ANKS1B: variants seen among roughly 807,000 people sequenced by gnomAD.
ANKS1B encodes the protein ankyrin repeat and sterile alpha motif domain containing 1B.
Under a neutral mutation model 148.3 loss-of-function variants are expected in ANKS1B, and 36 were observed. The ratio of observed to expected loss-of-function variants is 0.24; its 90% CI spans 0.19 to 0.32. The LOEUF (loss-of-function observed/expected upper bound fraction) is 0.32, where lower values mean the gene tolerates loss of function less well. ANKS1B is among the 10% of genes least tolerant of loss of function. The pLI is 1.00. For synonymous variants in ANKS1B, 542 were observed against 560.8 expected (o/e 0.97, Z 0.47); for missense variants, 1,157 against 1,542.6 (o/e 0.75, Z 4.19).
chr12:99,717,400 A>C (rs1314319286), intron 8 of ANKS1B, among the ~76,000 whole-genome samples: 1 of 152,196 alleles, frequency 6.6e-6, no homozygotes, highest in African/African-American at 2.4e-5. Context: ...AAGAACTTCC[A>C]AACGCCTAAA....
At chr12:98,763,335 C>A (rs1170578217) in intron 25 of ANKS1B, among the ~76,000 whole-genome samples, 4 of 152,206 alleles carry the variant, frequency 2.6e-5, no homozygotes, top group African/African-American at 9.7e-5. Flanking sequence ...AGAAATTAGT[C>A]TTCATAGATT....
In ANKS1B at chr12:99,524,741, G is replaced by C. The variant is rs562550490; in HGVS notation, c.1273-20100C>G. ...ACGTCTTACATGGCAGCAGGCAAGA[G>C]AGAACGAGAGCCAAGCAAAAGGGGA... On this transcript the variant is annotated intron_variant, in intron 9 of 26. Transcript: ENST00000683438. 4.6e-5 allele frequency among the ~76,000 whole-genome samples: 7 copies of C among 152,312 alleles called. No homozygotes were observed. The East Asian group carries it at 5.8e-4, about 13-fold the overall frequency.
chr12:98,848,460 T>A (rs991955150), intron 17 of ANKS1B, among the ~76,000 whole-genome samples: 1 of 152,112 alleles, frequency 6.6e-6, no homozygotes, highest in Non-Finnish European at 1.5e-5. Flanking sequence ...AGTGTTACTA[T>A]CACACTTACT....
At chr12:98,955,631 C>A (rs1398402507) in intron 17 of ANKS1B, among the ~76,000 whole-genome samples, 5 of 152,074 alleles carry the variant, frequency 3.3e-5, no homozygotes, top group Non-Finnish European at 7.4e-5. Flanking sequence ...AGAGTACAGC[C>A]AACAGGATTT....
intron 25 of ANKS1B, among the ~76,000 whole-genome samples, chr12:98,752,160 T>C (rs980140159): frequency 1.3e-5 from 2 of 152,210 alleles, no homozygotes; most frequent in African/African-American, 2.4e-5. Flanking sequence ...TACTGATTGA[T>C]GTCTCATGCC....
At chr12:99,231,702 G>A (rs2086882974) in intron 14 of ANKS1B, among the ~76,000 whole-genome samples, 1 of 151,918 alleles carries the variant, frequency 6.6e-6, no homozygotes, top group South Asian at 2.1e-4. Flanking sequence ...TGCCACTTAG[G>A]AGGATAGCTA....
At chr12:99,453,028 C>T (rs2668182) in intron 10 of ANKS1B, among the ~76,000 whole-genome samples, 53,855 of 152,038 alleles carry the variant, frequency 0.35, 11,013 homozygotes, top group African/African-American at 0.57. Flanking sequence ...CAGTGGCTCA[C>T]GCCTGTAATC....
intron 1 of ANKS1B, among the ~76,000 whole-genome samples, chr12:99,969,584 T>A (rs2095533555): frequency 6.6e-6 from 1 of 152,146 alleles, no homozygotes; most frequent in Admixed American, 6.5e-5. Flanking sequence ...TCATGTGCTA[T>A]CAAGAAACAA....
chr12:98,742,904 GGCT>G (rs1305097632), downstream of ANKS1B, among the ~76,000 whole-genome samples: 1 of 152,302 alleles, frequency 6.6e-6, no homozygotes, highest in East Asian at 1.9e-4. Flanking sequence ...ACTCTGTGCT[GGCT>G]GTGTTGGCTA....
chr12:99,968,223 G>T (rs2095511806), intron 1 of ANKS1B, among the ~76,000 whole-genome samples: 1 of 152,146 alleles, frequency 6.6e-6, no homozygotes, highest in Admixed American at 6.5e-5. Context: ...AGTTAAAAAC[G>T]ACAGGCTTAG....
At position 99,812,304 on chromosome 12, in the gene ANKS1B, C is replaced by T; in HGVS notation, c.223G>A (p.Val75Ile). 1 of 1,609,786 alleles carries T rather than the reference C, an allele frequency of 6.2e-7. No homozygotes were observed. Reference sequence around the variant, plus strand: ...GCCTCATACTGAAGTAGTTTGAGAACTATGTCCCTAAAAAGGAAAAAACAA... The same window carrying T: ...GCCTCATACTGAAGTAGTTTGAGAATTATGTCCCTAAAAAGGAAAAAACAA... ...HAALNGHKDI[V>I]LKLLQYEAST... is the part of the protein sequence containing the mutation. The change falls in exon 3 of 27, where the codon GTT (valine) becomes ATT (isoleucine). Residue 75 changes from valine (V) to isoleucine (I), a missense_variant. Val to Ile is a conservative substitution (Grantham distance 29). This residue lies in a region of ANKS1B where 164 missense variants were observed against 232.6 expected (regional missense o/e 0.71). Transcript: ENST00000683438.
chr12:98,971,561 C>T (rs1173799758), intron 17 of ANKS1B, among the ~76,000 whole-genome samples: 1 of 152,134 alleles, frequency 6.6e-6, no homozygotes, highest in Non-Finnish European at 1.5e-5. Context: ...CTTTGGAATA[C>T]CCTTTGTCTA....
rs1284451256 is a variant in ANKS1B, at chr12:98,829,515, C to A, written c.2887-162G>T. 6.6e-6 allele frequency among the ~76,000 whole-genome samples: 1 copy of A among 152,146 alleles called. No homozygotes were observed. Among genetic ancestry groups the A allele is most frequent in the Non-Finnish European group, 1.5e-5 (1 of 68,026 alleles). On this transcript the variant is annotated intron_variant, in intron 18 of 26. Transcript: ENST00000683438. The surrounding 1 kb of genome is among the most constrained non-coding windows in gnomAD (Gnocchi z 5.2). ...TCCACCACTTTATTAATGGCATGAT[C>A]TAGTCAATACGTTTTTCCCCTAAGT...
At chr12:98,808,856 T>C (rs1033595323) in intron 19 of ANKS1B, among the ~76,000 whole-genome samples, 1 of 152,168 alleles carries the variant, frequency 6.6e-6, no homozygotes, top group Non-Finnish European at 1.5e-5. Context: ...GCAAGCTCTG[T>C]GAGCATCTTT....
intron 11 of ANKS1B, among the ~76,000 whole-genome samples, chr12:99,415,978 A>T (rs7300624): frequency 0.41 from 62,846 of 151,816 alleles, 13,512 homozygotes; most frequent in African/African-American, 0.52. Flanking sequence ...CCACCGCGCC[A>T]GGCCCCATTG....
chr12:99,240,685 A>G (rs909792011), intron 14 of ANKS1B, among the ~76,000 whole-genome samples: 4 of 152,356 alleles, frequency 2.6e-5, no homozygotes, highest in Non-Finnish European at 5.9e-5. Flanking sequence ...AGCAGAAATC[A>G]TAACAAACCG....
At chr12:99,633,697 G>C (rs1207361251) in intron 9 of ANKS1B, among the ~76,000 whole-genome samples, 4 of 152,252 alleles carry the variant, frequency 2.6e-5, no homozygotes, top group East Asian at 3.9e-4. Context: ...GAGTGAACAG[G>C]CAACCTAAAG....
At chr12:99,477,299 G>T (rs2096340845) in intron 10 of ANKS1B, among the ~76,000 whole-genome samples, 1 of 152,152 alleles carries the variant, frequency 6.6e-6, no homozygotes, top group African/African-American at 2.4e-5. Flanking sequence ...ATTGTTGGTG[G>T]CAATGGAAAC....
At chr12:99,843,625 T>C (rs550028608) in intron 1 of ANKS1B, among the ~76,000 whole-genome samples, 2 of 152,292 alleles carry the variant, frequency 1.3e-5, no homozygotes, top group African/African-American at 4.8e-5. Flanking sequence ...CCACAGTGTA[T>C]ATGTACCATA....
Sources: allele counts gnomAD v4.1 joint callset (sites outside exome capture counted in the v4.1 genomes callset), GRCh38; gene constraint gnomAD v4.1.1; regional missense constraint gnomAD v4.1.1; non-coding constraint Gnocchi (gnomAD v3.1); transcripts MANE v1.5; gene names NCBI Gene and HGNC (gene_info 2026-07-23, HGNC 2026-07-21).